CDH6: variants seen among roughly 807,000 people sequenced by gnomAD.
CDH6 encodes the protein cadherin 6, also known as cadherin-6.
In CDH6, 31 loss-of-function variants were observed where a neutral mutation model predicts 78.0. That is an observed-to-expected ratio of 0.40 (90% CI 0.30 to 0.54). The LOEUF is 0.54. CDH6 is among the 20% of genes least tolerant of loss of function. CDH6 has a pLI of 0.56. For missense variants in CDH6, 724 were observed against 975.9 expected (o/e 0.74, Z 3.44); for synonymous variants, 376 against 368.8 (o/e 1.02, Z -0.23).
chr5:31,284,888 A>G (rs1561057489), intron 2 of CDH6, among the ~76,000 whole-genome samples: 1 of 152,226 alleles, frequency 6.6e-6, no homozygotes, highest in Admixed American at 6.5e-5. Flanking sequence ...CCTCTCCTTC[A>G]TACATGCAGA....
At chr5:31,233,052 A>G (rs1741355588) in intron 1 of CDH6, among the ~76,000 whole-genome samples, 1 of 152,162 alleles carries the variant, frequency 6.6e-6, no homozygotes, top group African/African-American at 2.4e-5. Context: ...GTTTCTTACC[A>G]TGCAATGAAC....
At chr5:31,207,732 A>G (rs570282255) in intron 1 of CDH6, among the ~76,000 whole-genome samples, 1 of 152,342 alleles carries the variant, frequency 6.6e-6, no homozygotes, top group East Asian at 1.9e-4. Flanking sequence ...CAACATTTAT[A>G]TACCTCTCTA....
At chr5:31,274,188 A>G (rs1742620772) in intron 2 of CDH6, among the ~76,000 whole-genome samples, 2 of 152,246 alleles carry the variant, frequency 1.3e-5, no homozygotes, top group African/African-American at 4.8e-5. Flanking sequence ...ATTATTGGCA[A>G]TAATCCTCAT....
intron 1 of CDH6, among the ~76,000 whole-genome samples, chr5:31,199,839 A>G (rs1321900654): frequency 6.6e-6 from 1 of 151,708 alleles, no homozygotes; most frequent in African/African-American, 2.4e-5. Context: ...TCTTCTAAGT[A>G]TTTTACATGC....
Position 31,297,496 on chromosome 5 carries a change from A to G in CDH6, c.643+88A>G, listed in dbSNP as rs1737643287. The G allele has an allele frequency of 4.1e-6, 4 of 965,522 alleles. No homozygotes were observed. The African/African-American group carries it at 5.0e-5, about 12-fold the overall frequency. 59.8% of individuals were successfully genotyped at this position (965,522 alleles called of 1,614,324 possible). A position where few individuals can be genotyped will look rare whatever the true frequency, so the allele number is the denominator to read the frequency against. Reference sequence around the variant, plus strand: ...AGCATATTTTTAATAAAAATAATCAATGTGATTGGATTTTCTTGCATACAT... The same window carrying G: ...AGCATATTTTTAATAAAAATAATCAGTGTGATTGGATTTTCTTGCATACAT... On this transcript the variant is annotated intron_variant, in intron 4 of 11. Transcript: ENST00000265071.
intron 1 of CDH6, among the ~76,000 whole-genome samples, chr5:31,256,466 G>A (rs1742057184): frequency 1.3e-5 from 2 of 152,172 alleles, no homozygotes; most frequent in South Asian, 2.1e-4. Context: ...AAAAGAAAGA[G>A]CAAAATAAAG....
chr5:31,294,009 T>C lies in CDH6; in HGVS notation c.276T>C (p.Leu92=). 1 of 1,612,720 alleles carries C rather than the reference T, an allele frequency of 6.2e-7. No homozygotes were observed. Reference sequence around the variant, plus strand: ...GAGATGGATCACTTAAATATATCCTTTCAGGAGATGGAGCAGGAGATCTCT... The same window carrying C: ...GAGATGGATCACTTAAATATATCCTCTCAGGAGATGGAGCAGGAGATCTCT... ...DRGDGSLKYI[L]SGDGAGDLFI... Residue 92 remains leucine, a synonymous_variant, in exon 3 of 12, where the codon CTT becomes CTC. Coordinates refer to ENST00000265071, the MANE Select transcript of CDH6 (RefSeq NM_004932.4). This position sits in a 1 kb window ranked among gnomAD's most constrained non-coding sequence, Gnocchi z 4.1.
At position 31,212,017 on chromosome 5, in the gene CDH6, T is replaced by G. The variant is rs576452828; in HGVS notation, c.-129+18131T>G. 3.9e-5 allele frequency among the ~76,000 whole-genome samples: 6 copies of G among 152,348 alleles called. No individual in the cohort carries two copies. The East Asian group carries it at 1.2e-3, about 29-fold the overall frequency. On this transcript the variant is annotated intron_variant, in intron 1 of 11. Coordinates refer to ENST00000265071, the MANE Select transcript of CDH6 (RefSeq NM_004932.4). The stretch of plus-strand genomic sequence containing the variant: ...AAGGGGGTATCTCATCACTGAGCTC[T>G]TCATCTGTCCTACTTTTGTATGACG...
chr5:31,203,722 C>CT (rs1740435913), intron 1 of CDH6, among the ~76,000 whole-genome samples: 1 of 151,752 alleles, frequency 6.6e-6, no homozygotes, highest in Non-Finnish European at 1.5e-5. Flanking sequence ...GTGCATGTGT[C>CT]TTTATAGCAG....
At chr5:31,272,823 T>A (rs76788984) in intron 2 of CDH6, among the ~76,000 whole-genome samples, 3,605 of 152,322 alleles carry the variant, frequency 0.024, 134 homozygotes, top group African/African-American at 0.083. Flanking sequence ...TGGAATTTAA[T>A]AAACTGTATA....
At chr5:31,239,513 T>A (rs183588812) in intron 1 of CDH6, among the ~76,000 whole-genome samples, 70 of 152,322 alleles carry the variant, frequency 4.6e-4, no homozygotes, top group African/African-American at 1.7e-3. Context: ...TAGAAAACAC[T>A]GATATGAAAT....
intron 1 of CDH6, among the ~76,000 whole-genome samples, chr5:31,210,814 G>C (rs927156806): frequency 2.0e-5 from 3 of 151,722 alleles, no homozygotes; most frequent in African/African-American, 7.3e-5. Flanking sequence ...GTTATTTTTT[G>C]GGTTTTTTTT....
intron 2 of CDH6, among the ~76,000 whole-genome samples, chr5:31,275,883 C>T (rs1433011656): frequency 6.6e-6 from 1 of 152,174 alleles, no homozygotes; most frequent in Non-Finnish European, 1.5e-5. Context: ...ACCTCTCTAG[C>T]CAAATTTTAA....
rs770648463 is a variant in CDH6 at position 31,305,237 on chromosome 5, G to A, written c.1063G>A (p.Glu355Lys). 7 of 1,613,692 alleles carry A rather than the reference G, an allele frequency of 4.3e-6. No homozygotes were observed. In the Admixed American group the frequency reaches 6.7e-5, roughly 15 times the overall value. The change falls in exon 7 of 12, where the codon GAG becomes AAG. Residue 355 changes from glutamate to lysine, a missense_variant. Coordinates refer to ENST00000265071, the MANE Select transcript of CDH6 (RefSeq NM_004932.4). ...LKVEASNPYV[E>K]PRFLYLGPFK... The stretch of plus-strand genomic sequence containing the variant: ...AGTGGAAGCCTCCAATCCTTATGTT[G>A]AGCCACGATTTCTCTACTTGGGGCC...
At chr5:31,283,071 C>A (rs1164697204) in intron 2 of CDH6, among the ~76,000 whole-genome samples, 1 of 152,136 alleles carries the variant, frequency 6.6e-6, no homozygotes, top group East Asian at 1.9e-4. Flanking sequence ...GATCAATGTT[C>A]TCAATTTTCT....
At position 31,193,765 on chromosome 5, in the gene CDH6, C is replaced by G. The variant is rs574538538; in HGVS notation, c.-250C>G. 735 of 153,604 alleles carry G rather than the reference C, an allele frequency of 4.8e-3. No individual in the cohort carries two copies. The highest frequency in any genetic ancestry group is 8.6e-3 in the Non-Finnish European group (588 of 68,572). 9.5% of individuals were successfully genotyped at this position (153,604 alleles called of 1,614,324 possible). A position where few individuals can be genotyped will look rare whatever the true frequency, so the allele number is the denominator to read the frequency against. ...GCCCGTAACCTTCGCATCCCAAGAGCTGCAGTTTCAGCCGCGACAGCAAGA... is the reference window on the plus strand; with the variant it reads ...GCCCGTAACCTTCGCATCCCAAGAGGTGCAGTTTCAGCCGCGACAGCAAGA... On this transcript the variant is annotated 5_prime_UTR_variant, in exon 1 of 12. Transcript: ENST00000265071.
intron 6 of CDH6, among the ~76,000 whole-genome samples, chr5:31,304,311 T>A (rs1737913383): frequency 6.6e-6 from 1 of 152,170 alleles, no homozygotes; most frequent in African/African-American, 2.4e-5. Context: ...TAGATATTAA[T>A]CTGCACGCCC....
intron 1 of CDH6, among the ~76,000 whole-genome samples, chr5:31,214,341 CATTA>C (rs982321707): frequency 7.3e-4 from 111 of 152,048 alleles, no homozygotes; most frequent in African/African-American, 2.5e-3. Flanking sequence ...TTTTAAAAGG[CATTA>C]ATTAAGTTTA....
At chr5:31,270,040 A>AT (rs996019587) in intron 2 of CDH6, among the ~76,000 whole-genome samples, 1 of 152,212 alleles carries the variant, frequency 6.6e-6, no homozygotes, top group South Asian at 2.1e-4. Flanking sequence ...TTAGACTAGT[A>AT]TTTTTTACCA....
Sources: gnomAD v4.1 joint callset for allele counts (sites outside exome capture counted in the v4.1 genomes callset) on GRCh38, gnomAD v4.1.1 for gene constraint, Gnocchi (gnomAD v3.1) non-coding constraint, MANE v1.5 for transcripts, NCBI Gene and HGNC (gene_info 2026-07-23, HGNC 2026-07-21) for gene names.